Variants in KIAA1755 observed in about 807,000 individuals in gnomAD.
KIAA1755 encodes the protein uncharacterized protein KIAA1755.
KIAA1755 carries 68 observed loss-of-function variants against 91.7 expected under a neutral mutation model. The ratio of observed to expected loss-of-function variants is 0.74; its 90% CI spans 0.61 to 0.91. The LOEUF is 0.91. Ranked by LOEUF, KIAA1755 falls within the 40% of genes least tolerant of loss-of-function variation. The pLI is 0.00. For synonymous variants in KIAA1755, 610 were observed against 604.6 expected (o/e 1.01, Z -0.13); for missense variants, 1,535 against 1,494.4 (o/e 1.03, Z -0.45).
Position 38,217,285 on chromosome 20 carries a change from T to A in KIAA1755, c.2869A>T (p.Thr957Ser). The A allele has an allele frequency of 6.2e-7, 1 of 1,606,278 alleles. No individual in the cohort carries two copies. Among genetic ancestry groups the A allele is most frequent in the Non-Finnish European group, 8.5e-7 (1 of 1,177,254 alleles). ...CAGAAGCGGTGCAGGTGGAGCAGCGTCTCGAGGTCCGTGCGTTGCCGCTCG... is the reference window on the plus strand; with the variant it reads ...CAGAAGCGGTGCAGGTGGAGCAGCGACTCGAGGTCCGTGCGTTGCCGCTCG... ...AAERQRTDLE[T>S]LLHLHRFCKR... The change falls in exon 13 of 14, where the codon ACG becomes TCG. Residue 957 changes from threonine to serine, a missense_variant. Physicochemically the swap from Thr to Ser is moderately conservative, Grantham distance 58 (BLOSUM62 1). Coordinates refer to ENST00000279024, the MANE Select transcript of KIAA1755 (RefSeq NM_001029864.2).
At chr20:38,216,603 A>G (rs559202249) in intron 13 of KIAA1755, among the ~76,000 whole-genome samples, 51 of 152,252 alleles carry the variant, frequency 3.3e-4, no homozygotes, top group African/African-American at 1.2e-3. Context: ...CAGTTTTCCC[A>G]TAATTTTTTT....
rs1260306428 is a variant in KIAA1755, at chr20:38,259,848, A to G, written c.3+650T>C. On this transcript the variant is annotated intron_variant, in intron 1 of 13. Coordinates refer to ENST00000279024, the MANE Select transcript of KIAA1755 (RefSeq NM_001029864.2). ...CACACACACACACACACACACACAC[A>G]CACACATTCTCCCAGAATGTCTCAA... 2.0e-5 allele frequency among the ~76,000 whole-genome samples: 3 copies of G among 151,480 alleles called. No individual in the cohort carries two copies. The East Asian group carries it at 5.8e-4, about 29-fold the overall frequency.
chr20:38,229,521 C>A (rs2123145959), intron 5 of KIAA1755, among the ~76,000 whole-genome samples: 1 of 152,308 alleles, frequency 6.6e-6, no homozygotes, highest in Middle Eastern at 3.4e-3. Context: ...TCTCTGCTAC[C>A]AACCTGGAGG....
In KIAA1755 at chr20:38,241,096, C is replaced by A. The variant is rs1379990416; in HGVS notation, c.1035G>T (p.Glu345Asp). Residue 345 changes from glutamate to aspartate, a missense_variant, in exon 3 of 14, where the codon GAG becomes GAT. Transcript: ENST00000279024. ...RACTKPESSE[E>D]RPYNLGFRRK... ...TCCTGAAGCCCAAATTATAGGGCCT[C>A]TCCTCAGAGCTTTCTGGCTTTGTGC... 1.2e-6 allele frequency: 2 copies of A among 1,614,144 alleles called. No homozygotes were observed. The highest frequency in any genetic ancestry group is 2.7e-5 in the African/African-American group (2 of 75,052).
chr20:38,244,206 G>A (rs2076115596), intron 2 of KIAA1755, among the ~76,000 whole-genome samples: 1 of 152,224 alleles, frequency 6.6e-6, no homozygotes, highest in South Asian at 2.1e-4. Context: ...GTGGGCAATT[G>A]TGTAGCTTGT....
chr20:38,234,215 C>G (rs1043217500), intron 4 of KIAA1755, among the ~76,000 whole-genome samples: 8 of 152,306 alleles, frequency 5.3e-5, no homozygotes, highest in African/African-American at 1.9e-4. Context: ...ATGATACCAC[C>G]CAGCTTTGTT....
intron 5 of KIAA1755, among the ~76,000 whole-genome samples, chr20:38,230,238 CACTCACTCACTG>C (rs766272900): frequency 1.1e-4 from 17 of 152,240 alleles, no homozygotes; most frequent in Non-Finnish European, 2.1e-4. Context: ...TTCATTCACT[CACTCACTCACTG>C]ACTCACCCAC....
Position 38,245,961 on chromosome 20 carries a change from G to A in KIAA1755, c.169C>T (p.Arg57Cys), listed in dbSNP as rs775765046. Residue 57 changes from arginine to cysteine, a missense_variant, in exon 2 of 14, where the codon CGC (arginine) becomes TGC (cysteine). By Grantham distance (180) the Arg-to-Cys change is radical (BLOSUM62 -3). Coordinates refer to ENST00000279024, the MANE Select transcript of KIAA1755 (RefSeq NM_001029864.2). ...GCTTCTCGCACTTGCTCACACAGGC[G>A]CTTGGCAGGGATCAGGAAATCCAGA... ...FLLDFLIPAK[R>C]LCEQVREAAC... 89 of 1,613,988 alleles carry A rather than the reference G, an allele frequency of 5.5e-5. 1 individual carries two copies. The highest frequency in any genetic ancestry group is 2.9e-4 in the South Asian group (26 of 91,078).
Position 38,239,646 on chromosome 20 carries a change from T to C in KIAA1755, c.1629A>G (p.Glu543=). The C allele has an allele frequency of 6.2e-7, 1 of 1,606,956 alleles. No individual in the cohort carries two copies. The highest frequency in any genetic ancestry group is 8.5e-7 in the Non-Finnish European group (1 of 1,177,388). The change falls in exon 4 of 14, where the codon GAA becomes GAG. Residue 543 remains glutamate (E), a synonymous_variant. Transcript: ENST00000279024. ...PLTEEKAALP[E]ASAGSPERGP... ...CTCTTTCTGGGGAGCCTGCAGAAGC[T>C]TCTGGCAAGGCAGCCTTTTCCTCAG... is the stretch of plus-strand genomic sequence containing the variant.
chr20:38,252,920 G>A (rs1342529451), intron 1 of KIAA1755, among the ~76,000 whole-genome samples: 2 of 152,300 alleles, frequency 1.3e-5, no homozygotes, highest in East Asian at 1.9e-4. Context: ...GCTGCAGGAA[G>A]GAACGCTAGC....
At chr20:38,218,750 C>A (rs377529168) in intron 11 of KIAA1755, among the ~76,000 whole-genome samples, 1 of 152,106 alleles carries the variant, frequency 6.6e-6, no homozygotes, top group African/African-American at 2.4e-5. Flanking sequence ...TGTTTGTGTG[C>A]GCGTGCACAT....
chr20:38,219,621 C>T lies in KIAA1755; in HGVS notation c.2556+9G>A, dbSNP rs752403324. 39 of 1,613,886 alleles carry T rather than the reference C, an allele frequency of 2.4e-5. No individual in the cohort carries two copies. Among genetic ancestry groups the T allele is most frequent in the Non-Finnish European group, 3.1e-5 (37 of 1,179,976 alleles). ...AACCCCCACACCCCAAGCCAGACAC[C>T]CCTTTCACCTGGTGAATGGCAGCTT... On this transcript the variant is annotated intron_variant, in intron 11 of 13. Coordinates refer to ENST00000279024, the MANE Select transcript of KIAA1755 (RefSeq NM_001029864.2).
rs367553892 is a variant in KIAA1755 at position 38,227,825 on chromosome 20, C to T, written c.1965+322G>A. On this transcript the variant is annotated intron_variant, in intron 6 of 13. Coordinates refer to ENST00000279024, the MANE Select transcript of KIAA1755 (RefSeq NM_001029864.2). The stretch of plus-strand genomic sequence containing the variant: ...TGGGAGCCATCCGGCCACCAAGGGG[C>T]GCGGGGTGCCAAGCGGGGTGGCTTG... 1.2e-4 allele frequency among the ~76,000 whole-genome samples: 18 copies of T among 152,322 alleles called. No homozygotes were observed. In the South Asian group the frequency reaches 1.7e-3, roughly 14 times the overall value.
intron 7 of KIAA1755, 70 bp from the exon 8 acceptor site, chr20:38,225,851 G>A: frequency 9.3e-6 from 8 of 861,198 alleles, no homozygotes; most frequent in Non-Finnish European, 1.4e-5. Flanking sequence ...GTCCTGCCCA[G>A]ATCCCTGCCC....
chr20:38,213,270 A>C lies in KIAA1755; in HGVS notation c.3375T>G (p.Ser1125=), dbSNP rs1404734845. The part of the protein sequence containing the change: ...GEQNRTFQAG[S]PPQEAGQAAE... ...CAGCCTGGCCAGCTTCCTGGGGTGG[A>C]GAGCCTGCCTGGAAAGTTCTGTTCT... is the stretch of plus-strand genomic sequence containing the variant. Residue 1125 remains serine, a synonymous_variant, in exon 14 of 14, where the codon TCT becomes TCG. Coordinates refer to ENST00000279024, the MANE Select transcript of KIAA1755 (RefSeq NM_001029864.2). 6.2e-6 allele frequency: 10 copies of C among 1,613,518 alleles called. No individual in the cohort carries two copies. Among genetic ancestry groups the C allele is most frequent in the Non-Finnish European group, 8.5e-6 (10 of 1,179,986 alleles).
chr20:38,218,058 C>T, intron 12 of KIAA1755, 186 bp downstream of exon 12: 1 of 701,720 alleles, frequency 1.4e-6, no homozygotes, highest in Non-Finnish European at 2.3e-6. Flanking sequence ...TGGGCTTGGC[C>T]ATCTGGTAAG....
intron 7 of KIAA1755, among the ~76,000 whole-genome samples, chr20:38,226,148 T>C (rs917150571): frequency 5.9e-5 from 9 of 152,192 alleles, no homozygotes; most frequent in Non-Finnish European, 1.3e-4. Flanking sequence ...ATGAAACTTC[T>C]TTGTAATCTT....
At position 38,260,568 on chromosome 20, in the gene KIAA1755, T is replaced by C; in HGVS notation, c.-68A>G. ...GGCGCGGGGTCTGTGGGTCCGCGGG[T>C]CCGTCTGTCTGGGGCAGCCCTCGGT... On this transcript the variant is annotated 5_prime_UTR_variant, in exon 1 of 14. Coordinates refer to ENST00000279024, the MANE Select transcript of KIAA1755 (RefSeq NM_001029864.2). 1 of 1,473,192 alleles carries C rather than the reference T, an allele frequency of 6.8e-7. No individual in the cohort carries two copies. Among genetic ancestry groups the C allele is most frequent in the Non-Finnish European group, 9.0e-7 (1 of 1,116,026 alleles). The allele number at this position is 1,473,192 out of a possible 1,614,324, so 91.3% of individuals were successfully genotyped here. A position where few individuals can be genotyped will look rare whatever the true frequency, so the allele number is the denominator to read the frequency against.
chr20:38,229,001 C>T (rs946369938), intron 5 of KIAA1755, among the ~76,000 whole-genome samples: 1 of 152,196 alleles, frequency 6.6e-6, no homozygotes, highest in East Asian at 1.9e-4. Flanking sequence ...TCACCCTACT[C>T]CTCTCCCATC....
Sources: allele counts gnomAD v4.1 joint callset (sites outside exome capture counted in the v4.1 genomes callset), GRCh38; gene constraint gnomAD v4.1.1; transcripts MANE v1.5; gene names NCBI Gene and HGNC (gene_info 2026-07-23, HGNC 2026-07-21).